Variants in CNTN5 observed in about 807,000 individuals in gnomAD.
CNTN5 encodes contactin-5.
CNTN5 carries 77 observed loss-of-function variants against 129.1 expected under a neutral mutation model. That is an observed-to-expected ratio of 0.60 (90% CI 0.50 to 0.72). CNTN5 has a LOEUF of 0.72. CNTN5 is among the 30% of genes least tolerant of loss of function. The pLI is 0.00. For missense variants in CNTN5, 1,478 were observed against 1,328.8 expected, an observed-to-expected ratio of 1.11 and a Z score of -1.75; for synonymous variants, 509 against 465.6, an observed-to-expected ratio of 1.09 and a Z score of -1.20.
At chr11:99,275,009 T>C (rs182745909) in intron 1 of CNTN5, among the ~76,000 whole-genome samples, 147 of 151,554 alleles carry the variant, frequency 9.7e-4, no homozygotes, top group African/African-American at 3.3e-3. Context: ...GTATCCAGGG[T>C]TTTATATATT....
intron 3 of CNTN5, among the ~76,000 whole-genome samples, chr11:99,759,856 A>G (rs1316466370): frequency 6.6e-6 from 1 of 152,146 alleles, no homozygotes; most frequent in East Asian, 1.9e-4. Flanking sequence ...GGCTATTGGA[A>G]CATGAAGAAC....
chr11:99,270,591 C>G (rs2135854995), intron 1 of CNTN5, among the ~76,000 whole-genome samples: 1 of 151,922 alleles, frequency 6.6e-6, no homozygotes, highest in Non-Finnish European at 1.5e-5. Flanking sequence ...TGACCTCTAC[C>G]AGCTCTACTA....
At chr11:99,360,305 TTC>T (rs1939017149) in intron 2 of CNTN5, among the ~76,000 whole-genome samples, 1 of 152,136 alleles carries the variant, frequency 6.6e-6, no homozygotes, top group Non-Finnish European at 1.5e-5. Flanking sequence ...GCATATTAGC[TTC>T]TCTAATGTTC....
intron 3 of CNTN5, among the ~76,000 whole-genome samples, chr11:99,760,645 C>T (rs1036874987): frequency 2.6e-5 from 4 of 151,962 alleles, no homozygotes; most frequent in Non-Finnish European, 5.9e-5. Context: ...AATAAAATTC[C>T]AATTTATATG....
intron 1 of CNTN5, among the ~76,000 whole-genome samples, chr11:99,254,737 A>G (rs1327848414): frequency 1.3e-5 from 2 of 151,976 alleles, no homozygotes; most frequent in Non-Finnish European, 2.9e-5. Flanking sequence ...GATTTTAATA[A>G]TAATGTATGC....
intron 3 of CNTN5, among the ~76,000 whole-genome samples, chr11:99,764,564 G>T (rs978726385): frequency 1.5e-4 from 23 of 152,142 alleles, no homozygotes; most frequent in Non-Finnish European, 2.6e-4. Context: ...TTATAGGCAT[G>T]CACCACCATA....
intron 6 of CNTN5, among the ~76,000 whole-genome samples, chr11:99,884,991 A>G (rs903321342): frequency 6.6e-6 from 1 of 152,190 alleles, no homozygotes; most frequent in South Asian, 2.1e-4. Flanking sequence ...CAAACAAAAC[A>G]GGGAGAAAAA....
At chr11:99,601,348 G>A (rs142697005) in intron 3 of CNTN5, among the ~76,000 whole-genome samples, 2 of 151,802 alleles carry the variant, frequency 1.3e-5, no homozygotes, top group African/African-American at 4.8e-5. Context: ...TCTTTCCTTC[G>A]GGCTGTCTTG....
chr11:99,905,698 G>T (rs1949483694), intron 6 of CNTN5, among the ~76,000 whole-genome samples: 2 of 152,072 alleles, frequency 1.3e-5, no homozygotes, highest in African/African-American at 4.8e-5. Context: ...TATCTTGATG[G>T]GGATATCATT....
At chr11:99,724,897 C>T (rs1417524772) in intron 3 of CNTN5, among the ~76,000 whole-genome samples, 4 of 152,142 alleles carry the variant, frequency 2.6e-5, no homozygotes, top group African/African-American at 9.7e-5. Context: ...GTAAAGGACT[C>T]AGTAAGGCTA....
intron 1 of CNTN5, among the ~76,000 whole-genome samples, chr11:99,129,870 G>A (rs574960843): frequency 2.0e-5 from 3 of 152,108 alleles, no homozygotes; most frequent in Admixed American, 6.5e-5. Flanking sequence ...ACTAAGCTTC[G>A]TAAGTGAAGG....
intron 2 of CNTN5, among the ~76,000 whole-genome samples, chr11:99,381,602 T>C (rs1940564276): frequency 6.6e-6 from 1 of 152,194 alleles, no homozygotes. Context: ...TTTCTCACAG[T>C]ACTTTTTATA....
intron 3 of CNTN5, among the ~76,000 whole-genome samples, chr11:99,689,163 G>C (rs551514369): frequency 6.6e-6 from 1 of 152,042 alleles, no homozygotes; most frequent in Admixed American, 6.6e-5. Context: ...CTGCTTCTAG[G>C]TTTCTGAGAA....
chr11:99,960,137 C>T (rs79908039), intron 8 of CNTN5, among the ~76,000 whole-genome samples: 4 of 152,138 alleles, frequency 2.6e-5, no homozygotes, highest in Non-Finnish European at 2.9e-5. Flanking sequence ...CAAGCTTAAA[C>T]AATAACTGTT....
intron 13 of CNTN5, among the ~76,000 whole-genome samples, chr11:100,127,538 A>G (rs1337865135): frequency 6.6e-6 from 1 of 151,968 alleles, no homozygotes; most frequent in African/African-American, 2.4e-5. Context: ...GTTAAGTTCA[A>G]GATGTATAAT....
chr11:99,622,243 T>C (rs1488568532), intron 3 of CNTN5, among the ~76,000 whole-genome samples: 1 of 152,176 alleles, frequency 6.6e-6, no homozygotes, highest in Non-Finnish European at 1.5e-5. Context: ...TTGTATCATA[T>C]ATTCCAACGA....
intron 1 of CNTN5, among the ~76,000 whole-genome samples, chr11:99,234,916 A>G (rs1163532131): frequency 6.6e-6 from 1 of 152,180 alleles, no homozygotes; most frequent in African/African-American, 2.4e-5. Flanking sequence ...TACTGAGGAA[A>G]CAAAGAGATG....
intron 21 of CNTN5, among the ~76,000 whole-genome samples, chr11:100,322,517 C>T (rs1432181937): frequency 2.6e-5 from 4 of 152,150 alleles, no homozygotes; most frequent in East Asian, 1.9e-4. Context: ...CCACTGCGCC[C>T]GGCCTCGTAA....
chr11:100,141,836 A>G (rs1946705106), intron 13 of CNTN5, among the ~76,000 whole-genome samples: 1 of 152,106 alleles, frequency 6.6e-6, no homozygotes, highest in African/African-American at 2.4e-5. Flanking sequence ...GACTGGATTA[A>G]AGGATACCTT....
Sources: gnomAD v4.1 joint callset for allele counts (sites outside exome capture counted in the v4.1 genomes callset) on GRCh38, gnomAD v4.1.1 for gene constraint, MANE v1.5 for transcripts, NCBI Gene and HGNC (gene_info 2026-07-23, HGNC 2026-07-21) for gene names.